SVOPL: variants seen among roughly 807,000 people sequenced by gnomAD.
SVOPL encodes SVOP like.
SVOPL carries 60 observed loss-of-function variants against 61.0 expected under a neutral mutation model. That is an observed-to-expected ratio of 0.98 (90% CI 0.80 to 1.22). SVOPL has a LOEUF of 1.22. Ranked by LOEUF, SVOPL falls within the 50% of genes most tolerant of loss-of-function variation. SVOPL has a pLI of 0.00. For synonymous variants in SVOPL, 279 were observed against 250.0 expected (o/e 1.12, Z -1.09); for missense variants, 662 against 643.9 (o/e 1.03, Z -0.30).
chr7:138,663,213 A>G, intron 4 of SVOPL, 68 bp from the exon 5 acceptor site: 1 of 1,569,666 alleles, frequency 6.4e-7, no homozygotes, highest in South Asian at 1.2e-5. Flanking sequence ...CCCGTTAGCC[A>G]TTTTCACTAG....
At chr7:138,641,833 T>TATAAAA (rs1554464901) in intron 9 of SVOPL, among the ~76,000 whole-genome samples, 2 of 37,224 alleles carry the variant, frequency 5.4e-5, no homozygotes, top group East Asian at 6.0e-4. Context: ...TATATATATA[T>TATAAAA]AACATATATA....
chr7:138,614,051 T>C (rs1214273406), intron 14 of SVOPL, among the ~76,000 whole-genome samples: 3 of 152,218 alleles, frequency 2.0e-5, no homozygotes, highest in Admixed American at 1.3e-4. Context: ...GTTCAATAAA[T>C]GTTTTGAACA....
chr7:138,622,462 T>G (rs889990706), intron 13 of SVOPL, among the ~76,000 whole-genome samples: 8 of 146,644 alleles, frequency 5.5e-5, no homozygotes, highest in Non-Finnish European at 1.2e-4. Flanking sequence ...GCCTGGCTAA[T>G]TTTTGTATTT....
chr7:138,651,430 G>C (rs748108169), intron 7 of SVOPL, among the ~76,000 whole-genome samples: 8 of 152,150 alleles, frequency 5.3e-5, no homozygotes, highest in Non-Finnish European at 1.0e-4. Context: ...AACATGCACA[G>C]GCACACCTCC....
At chr7:138,663,207 T>C (rs1802079177) in intron 4 of SVOPL, 62 bp from the exon 5 acceptor site, 1 of 1,574,544 alleles carries the variant, frequency 6.4e-7, no homozygotes, top group African/African-American at 1.3e-5. Flanking sequence ...CTTTACCCCG[T>C]TAGCCATTTT....
intron 1 of SVOPL, among the ~76,000 whole-genome samples, chr7:138,695,206 A>G (rs964163852): frequency 3.9e-5 from 6 of 152,196 alleles, no homozygotes; most frequent in African/African-American, 1.4e-4. Flanking sequence ...CTTGCAGCCT[A>G]CTGTGGAAGA....
chr7:138,689,367 G>C, intron 1 of SVOPL: 1 of 1,583,730 alleles, frequency 6.3e-7, no homozygotes, highest in Non-Finnish European at 8.6e-7. Flanking sequence ...CCGCCGGATC[G>C]ACAGAGCTTA....
intron 6 of SVOPL, among the ~76,000 whole-genome samples, chr7:138,659,264 G>A (rs1801891722): frequency 6.6e-6 from 1 of 152,126 alleles, no homozygotes; most frequent in African/African-American, 2.4e-5. Flanking sequence ...GGCCAAGGCG[G>A]GTGGATTACC....
intron 1 of SVOPL, among the ~76,000 whole-genome samples, chr7:138,695,622 G>A (rs763826439): frequency 6.6e-6 from 1 of 152,116 alleles, no homozygotes; most frequent in South Asian, 2.1e-4. Context: ...TGAGACCTGG[G>A]GGGGCTTCTG....
At chr7:138,614,273 T>G (rs1387901292) in intron 14 of SVOPL, among the ~76,000 whole-genome samples, 1 of 152,158 alleles carries the variant, frequency 6.6e-6, no homozygotes, top group Non-Finnish European at 1.5e-5. Flanking sequence ...GTTTGTCTAC[T>G]TTGCTCTCTT....
chr7:138,622,480 A>G (rs1799713786), intron 13 of SVOPL, among the ~76,000 whole-genome samples: 4 of 87,330 alleles, frequency 4.6e-5, no homozygotes, highest in South Asian at 2.9e-4. Context: ...TTTTTAGTGG[A>G]GGCAGCGGCG....
intron 1 of SVOPL, among the ~76,000 whole-genome samples, chr7:138,700,331 A>G (rs1212348986): frequency 1.8e-5 from 2 of 109,818 alleles, no homozygotes; most frequent in South Asian, 3.1e-4. Context: ...TTGGTTCCGT[A>G]TGTCTTTTTT....
chr7:138,655,134 G>A (rs1801658347), intron 7 of SVOPL, among the ~76,000 whole-genome samples: 1 of 151,914 alleles, frequency 6.6e-6, no homozygotes, highest in Non-Finnish European at 1.5e-5. Flanking sequence ...AGGTTGCAGT[G>A]AGCTGAGATC....
chr7:138,700,889 G>A (rs565079654), intron 1 of SVOPL, among the ~76,000 whole-genome samples: 2 of 152,284 alleles, frequency 1.3e-5, no homozygotes, highest in African/African-American at 4.8e-5. Flanking sequence ...CCTGAACTCA[G>A]ATGGAGTTCA....
In SVOPL at chr7:138,610,322, T is replaced by C. The variant is rs577935908; in HGVS notation, c.1353+10724A>G. On this transcript the variant is annotated intron_variant, in intron 14 of 15. Coordinates refer to ENST00000674285, the MANE Select transcript of SVOPL (RefSeq NM_001139456.2). ...GAGTAAAAGAGCAGGCTATAAAAAG[T>C]ACTATGATATTTGGGTGAAATTTAT... is the stretch of plus-strand genomic sequence containing the variant. Among the ~76,000 whole-genome samples, 6 of 152,048 alleles carry C rather than the reference T, an allele frequency of 3.9e-5. No individual in the cohort carries two copies. In the South Asian group the frequency reaches 8.3e-4, roughly 21 times the overall value.
chr7:138,681,027 G>A (rs1264400358), intron 1 of SVOPL, among the ~76,000 whole-genome samples: 2 of 151,692 alleles, frequency 1.3e-5, no homozygotes, highest in Non-Finnish European at 2.9e-5. Context: ...TTTAGGATAA[G>A]GAAAGTAATT....
At chr7:138,633,736 T>C (rs1800331130) in intron 9 of SVOPL, among the ~76,000 whole-genome samples, 1 of 152,090 alleles carries the variant, frequency 6.6e-6, no homozygotes, top group Non-Finnish European at 1.5e-5. Context: ...CAAAATACAA[T>C]GATGAATATG....
At chr7:138,635,830 T>A (rs1184951028) in intron 9 of SVOPL, among the ~76,000 whole-genome samples, 2 of 152,182 alleles carry the variant, frequency 1.3e-5, no homozygotes, top group East Asian at 3.8e-4. Flanking sequence ...AATTGGCAAT[T>A]GCTGTTAAGA....
At chr7:138,628,416 A>C (rs776487647) in intron 10 of SVOPL, 53 bp from the exon 11 acceptor site, 14 of 1,577,508 alleles carry the variant, frequency 8.9e-6, no homozygotes, top group Non-Finnish European at 1.2e-5. Flanking sequence ...GACCTGAAGG[A>C]TGAGTGGGGA....
Sources: allele counts gnomAD v4.1 joint callset (sites outside exome capture counted in the v4.1 genomes callset), GRCh38; gene constraint gnomAD v4.1.1; transcripts MANE v1.5; gene names NCBI Gene and HGNC (gene_info 2026-07-23, HGNC 2026-07-21).